Variants in PREP observed in about 807,000 individuals in gnomAD.
PREP encodes prolyl endopeptidase, also known as dJ355L5.1 (prolyl endopeptidase).
Under a neutral mutation model 87.6 loss-of-function variants are expected in PREP, and 29 were observed. That is an observed-to-expected ratio of 0.33 (90% CI 0.25 to 0.45). The LOEUF (loss-of-function observed/expected upper bound fraction) is 0.45, where lower values mean the gene tolerates loss of function less well. Ranked by LOEUF, PREP falls within the 20% of genes least tolerant of loss-of-function variation. The probability of loss-of-function intolerance (pLI) is 1.00; values close to 1 mark genes in which losing one functional copy is unlikely to be tolerated. For missense variants in PREP, 695 were observed against 886.5 expected, an observed-to-expected ratio of 0.78 and a Z score of 2.74; for synonymous variants, 337 against 328.6, an observed-to-expected ratio of 1.03 and a Z score of -0.28.
chr6:105,283,984 A>T (rs190183672), intron 12 of PREP, among the ~76,000 whole-genome samples: 2 of 152,298 alleles, frequency 1.3e-5, no homozygotes, highest in East Asian at 3.9e-4. Context: ...GACCATGAGT[A>T]GGGGGTATGG....
intron 10 of PREP, chr6:105,302,422 G>A (rs772924954): frequency 9.0e-6 from 2 of 222,626 alleles, no homozygotes; most frequent in Non-Finnish European, 1.8e-5. Flanking sequence ...TGTTCTCTTC[G>A]GCCAGCTCTC....
intron 8 of PREP, 84 bp downstream of exon 8, chr6:105,333,230 T>C (rs1771384650): frequency 7.6e-7 from 1 of 1,314,726 alleles, no homozygotes. Context: ...TTGTAACAGA[T>C]CACTAGAGAA....
At chr6:105,357,843 T>C (rs902855015) in intron 6 of PREP, among the ~76,000 whole-genome samples, 44 of 151,190 alleles carry the variant, frequency 2.9e-4, no homozygotes, top group Admixed American at 2.6e-3. Flanking sequence ...AAAAGAAAAG[T>C]AGAAAAGCAG....
rs67107334 is a variant in PREP at position 105,397,185 on chromosome 6, C to CAAAAAAAA, written c.120+660_120+667dup. On this transcript the variant is annotated intron_variant, in intron 2 of 14. Transcript: ENST00000652536. ...GGGTGACAGAGTAAGACTCTGTCTA[C>CAAAAAAAA]AAAAAAAAAAAAAAAAAGTATACAT... is the stretch of plus-strand genomic sequence containing the variant. Among the ~76,000 whole-genome samples, 1,260 of 86,726 alleles carry CAAAAAAAA rather than the reference C, an allele frequency of 0.015. 42 individuals carry two copies. In the East Asian group the frequency reaches 0.17, roughly 12 times the overall value. The allele number at this position is 86,726 out of a possible 152,430, so 56.9% of individuals were successfully genotyped here.
chr6:105,376,392 TG>T, intron 3 of PREP, 137 bp from the exon 4 acceptor site: 1 of 905,284 alleles, frequency 1.1e-6, no homozygotes, highest in Non-Finnish European at 1.6e-6. Context: ...CGCAGGGACG[TG>T]GGGACATGGG....
chr6:105,377,445 C>CT lies in PREP; in HGVS notation c.194dup (p.Arg66GlufsTer4). On this transcript the variant is annotated frameshift_variant, in exon 3 of 15. Coordinates refer to ENST00000652536, the MANE Select transcript of PREP (RefSeq NM_002726.5). LOFTEE classifies it high-confidence loss of function. ...GATAATCATATAGTTCAGTCATTCT[C>CT]TCTTTGTATAAACCTCTGATGGGAC... 1 of 1,613,702 alleles carries CT rather than the reference C, an allele frequency of 6.2e-7. No individual in the cohort carries two copies. Among genetic ancestry groups the CT allele is most frequent in the Non-Finnish European group, 8.5e-7 (1 of 1,179,638 alleles).
intron 10 of PREP, among the ~76,000 whole-genome samples, chr6:105,291,799 C>A (rs1770302647): frequency 6.6e-6 from 1 of 152,208 alleles, no homozygotes; most frequent in Non-Finnish European, 1.5e-5. Context: ...AAATTGGAGT[C>A]AATCCCTTCA....
At chr6:105,340,746 T>A (rs1771623940) in intron 7 of PREP, among the ~76,000 whole-genome samples, 1 of 152,180 alleles carries the variant, frequency 6.6e-6, no homozygotes, top group Non-Finnish European at 1.5e-5. Flanking sequence ...AATCCTAGTC[T>A]CTGATAAAAC....
At chr6:105,306,923 T>C (rs1203616838) in intron 10 of PREP, among the ~76,000 whole-genome samples, 1 of 152,246 alleles carries the variant, frequency 6.6e-6, no homozygotes, top group Non-Finnish European at 1.5e-5. Context: ...TACTTGCTTA[T>C]CTGCAGCACT....
At chr6:105,397,604 C>T (rs1016452621) in intron 2 of PREP, among the ~76,000 whole-genome samples, 7 of 151,964 alleles carry the variant, frequency 4.6e-5, no homozygotes, top group South Asian at 2.1e-4. Flanking sequence ...TTTAAAATAG[C>T]TCATCAGTGT....
At chr6:105,385,745 A>G (rs955481183) in intron 2 of PREP, among the ~76,000 whole-genome samples, 11 of 152,250 alleles carry the variant, frequency 7.2e-5, no homozygotes, top group African/African-American at 2.4e-4. Flanking sequence ...TAAATGGCTC[A>G]AAAACACTAT....
intron 2 of PREP, among the ~76,000 whole-genome samples, chr6:105,379,846 A>T (rs1189810638): frequency 6.6e-6 from 1 of 152,222 alleles, no homozygotes; most frequent in East Asian, 1.9e-4. Context: ...ACACACCCAC[A>T]AAAAGCCAGA....
chr6:105,336,701 C>A (rs536425140), intron 7 of PREP, among the ~76,000 whole-genome samples: 1 of 152,284 alleles, frequency 6.6e-6, no homozygotes, highest in African/African-American at 2.4e-5. Flanking sequence ...CTATGTGATG[C>A]CTTCAAACAG....
intron 4 of PREP, 46 bp downstream of exon 4, chr6:105,376,079 A>C (rs1772678578): frequency 7.6e-6 from 12 of 1,580,312 alleles, no homozygotes; most frequent in African/African-American, 4.1e-5. Flanking sequence ...CAGAGCTCCA[A>C]GTGAGGGTCT....
chr6:105,395,640 C>T (rs1421379543), intron 2 of PREP, among the ~76,000 whole-genome samples: 1 of 152,196 alleles, frequency 6.6e-6, no homozygotes, highest in East Asian at 1.9e-4. Context: ...GTTTCATCCA[C>T]TAATTGGAAG....
intron 2 of PREP, among the ~76,000 whole-genome samples, chr6:105,395,221 G>A (rs2114734815): frequency 6.6e-6 from 1 of 152,268 alleles, no homozygotes; most frequent in African/African-American, 2.4e-5. Context: ...CTGGCCCAGG[G>A]TTCACACCTG....
intron 1 of PREP, among the ~76,000 whole-genome samples, chr6:105,401,827 G>A (rs926950547): frequency 6.6e-6 from 1 of 152,180 alleles, no homozygotes; most frequent in African/African-American, 2.4e-5. Flanking sequence ...AATGTAGCAC[G>A]TGCTTTAAAG....
At chr6:105,348,873 C>T (rs1007339065) in intron 7 of PREP, among the ~76,000 whole-genome samples, 6 of 148,538 alleles carry the variant, frequency 4.0e-5, no homozygotes, top group South Asian at 2.1e-4. Context: ...AGCAAGATTC[C>T]GTCTCAAAAA....
chr6:105,337,111 C>T (rs1771503409), intron 7 of PREP, among the ~76,000 whole-genome samples: 2 of 152,112 alleles, frequency 1.3e-5, no homozygotes, highest in South Asian at 4.1e-4. Context: ...AGTATATTTA[C>T]CGTATTCGTT....
Sources: allele counts gnomAD v4.1 joint callset (sites outside exome capture counted in the v4.1 genomes callset), GRCh38; gene constraint gnomAD v4.1.1; transcripts MANE v1.5; gene names NCBI Gene and HGNC (gene_info 2026-07-23, HGNC 2026-07-21).